Variants in XKR4 observed in about 807,000 individuals in gnomAD.
XKR4 encodes XK-related protein 4.
XKR4 carries 12 observed loss-of-function variants against 53.9 expected under a neutral mutation model. That is an observed-to-expected ratio of 0.22 (90% CI 0.14 to 0.36). XKR4 has a LOEUF of 0.36. Ranked by LOEUF, XKR4 falls within the 10% of genes least tolerant of loss-of-function variation. The pLI, the probability that XKR4 is intolerant of heterozygous loss-of-function variation, is 1.00. For synonymous variants in XKR4, 354 were observed against 362.4 expected (o/e 0.98, Z 0.26); for missense variants, 799 against 859.5 (o/e 0.93, Z 0.88).
At chr8:55,508,898 G>A (rs983665615) in intron 2 of XKR4, among the ~76,000 whole-genome samples, 4 of 152,206 alleles carry the variant, frequency 2.6e-5, no homozygotes, top group African/African-American at 9.6e-5. Flanking sequence ...TGACTTTGAG[G>A]TGAGTCTTAG....
chr8:55,228,628 T>C (rs187821214), intron 1 of XKR4, among the ~76,000 whole-genome samples: 23 of 152,222 alleles, frequency 1.5e-4, no homozygotes, highest in Non-Finnish European at 1.8e-4. Flanking sequence ...ATTGAAGAAA[T>C]CACTTAAAAC....
chr8:55,150,707 C>T (rs1434844165), intron 1 of XKR4, among the ~76,000 whole-genome samples: 1 of 152,138 alleles, frequency 6.6e-6, no homozygotes, highest in Non-Finnish European at 1.5e-5. Flanking sequence ...TTCTAAGCAT[C>T]TCTTATATAA....
chr8:55,450,715 C>T, intron 2 of XKR4: 1 of 584,796 alleles, frequency 1.7e-6, no homozygotes, highest in South Asian at 1.6e-5. Context: ...GAAGCGATGA[C>T]TGAAGGACAG....
At chr8:55,208,426 G>T (rs544838731) in intron 1 of XKR4, among the ~76,000 whole-genome samples, 1 of 152,160 alleles carries the variant, frequency 6.6e-6, no homozygotes, top group South Asian at 2.1e-4. Flanking sequence ...TTTAGATCCA[G>T]TGATTAAGTG....
intron 2 of XKR4, among the ~76,000 whole-genome samples, chr8:55,358,214 A>G (rs1252274174): frequency 6.6e-6 from 1 of 152,180 alleles, no homozygotes; most frequent in Non-Finnish European, 1.5e-5. Context: ...CAAAGAAAGC[A>G]GTAACTCTCT....
At chr8:55,187,850 C>G (rs1406966696) in intron 1 of XKR4, among the ~76,000 whole-genome samples, 1 of 152,078 alleles carries the variant, frequency 6.6e-6, no homozygotes, top group African/African-American at 2.4e-5. Flanking sequence ...TGAAACATGT[C>G]CAGGAGTTAA....
At chr8:55,287,561 A>G (rs974540990) in intron 1 of XKR4, among the ~76,000 whole-genome samples, 5 of 152,262 alleles carry the variant, frequency 3.3e-5, no homozygotes, top group Admixed American at 3.3e-4. Flanking sequence ...AATCTTGGAA[A>G]TGAGTGCTGC....
At chr8:55,459,933 C>T (rs1331357714) in intron 2 of XKR4, among the ~76,000 whole-genome samples, 2 of 147,488 alleles carry the variant, frequency 1.4e-5, no homozygotes, top group Non-Finnish European at 1.5e-5. Flanking sequence ...GGTAACTTCT[C>T]AAGAGAAATG....
intron 1 of XKR4, among the ~76,000 whole-genome samples, chr8:55,218,147 T>G (rs1016551978): frequency 6.6e-6 from 1 of 152,224 alleles, no homozygotes; most frequent in Non-Finnish European, 1.5e-5. Flanking sequence ...CTTTACTTAC[T>G]GCAAAGATAC....
chr8:55,403,576 T>C (rs1804640358), intron 2 of XKR4, among the ~76,000 whole-genome samples: 16 of 152,222 alleles, frequency 1.1e-4, no homozygotes, highest in Admixed American at 1.0e-3. Flanking sequence ...AATTAAAAGG[T>C]TGCAGTTCCA....
At chr8:55,422,753 T>G (rs907312272) in intron 2 of XKR4, among the ~76,000 whole-genome samples, 2 of 152,174 alleles carry the variant, frequency 1.3e-5, no homozygotes, top group Non-Finnish European at 2.9e-5. Flanking sequence ...TTCAGGAAAT[T>G]TAATTCTGCA....
At chr8:55,245,737 C>T (rs994085412) in intron 1 of XKR4, among the ~76,000 whole-genome samples, 3 of 152,164 alleles carry the variant, frequency 2.0e-5, no homozygotes, top group East Asian at 1.9e-4. Context: ...GTCTTTGATT[C>T]CAATCTGTCT....
intron 1 of XKR4, among the ~76,000 whole-genome samples, chr8:55,294,978 C>G (rs1237154473): frequency 6.6e-6 from 1 of 152,188 alleles, no homozygotes; most frequent in Admixed American, 6.5e-5. Flanking sequence ...TCATATATTT[C>G]TCTCATTTTC....
chr8:55,164,159 G>A (rs146418674), intron 1 of XKR4: 4 of 456,412 alleles, frequency 8.8e-6, no homozygotes, highest in African/African-American at 2.0e-5. Flanking sequence ...TGCTCCAAGC[G>A]CCACTGGCCT....
intron 1 of XKR4, among the ~76,000 whole-genome samples, chr8:55,112,592 G>T (rs4481571): frequency 0.99 from 113,483 of 114,096 alleles, 56,436 homozygotes; most frequent in East Asian, 1. Context: ...TTTTTTTAGG[G>T]AGCAGAGAGT....
At chr8:55,164,718 A>G (rs1474937194) in intron 1 of XKR4, 1 of 268,604 alleles carries the variant, frequency 3.7e-6, no homozygotes, top group Non-Finnish European at 7.5e-6. Context: ...CATGTATAAT[A>G]ATACCATTAC....
intron 1 of XKR4, among the ~76,000 whole-genome samples, chr8:55,119,107 C>G (rs957179135): frequency 5.3e-5 from 8 of 152,206 alleles, no homozygotes; most frequent in Non-Finnish European, 1.2e-4. Context: ...AGCATTCACT[C>G]TAAGCAGGCT....
At chr8:55,399,233 C>A (rs1394034640) in intron 2 of XKR4, among the ~76,000 whole-genome samples, 1 of 152,214 alleles carries the variant, frequency 6.6e-6, no homozygotes, top group Non-Finnish European at 1.5e-5. Flanking sequence ...ACCCCACACT[C>A]TCCAGGCTTA....
chr8:55,110,686 G>C (rs1816219029), intron 1 of XKR4, among the ~76,000 whole-genome samples: 1 of 152,118 alleles, frequency 6.6e-6, no homozygotes, highest in South Asian at 2.1e-4. Flanking sequence ...TTGTATTCCT[G>C]GTTTTGCTGA....
Sources: gnomAD v4.1 joint callset for allele counts (sites outside exome capture counted in the v4.1 genomes callset) on GRCh38, gnomAD v4.1.1 for gene constraint, MANE v1.5 for transcripts, NCBI Gene and HGNC (gene_info 2026-07-23, HGNC 2026-07-21) for gene names.